The following SAMSN1 variants were observed in gnomAD, a reference collection of about 807,000 sequenced individuals.
SAMSN1 encodes SAM domain, SH3 domain and nuclear localization signals 1.
In SAMSN1, 31 loss-of-function variants were observed where a neutral mutation model predicts 42.0. That is an observed-to-expected ratio of 0.74 (90% CI 0.55 to 1.00). The LOEUF is 1.00. SAMSN1 is among the 50% of genes least tolerant of loss of function. The probability of loss-of-function intolerance (pLI) is 0.00; values close to 1 mark genes in which losing one functional copy is unlikely to be tolerated. For synonymous variants in SAMSN1, 178 were observed against 151.9 expected (o/e 1.17, Z -1.26); for missense variants, 464 against 439.4 (o/e 1.06, Z -0.50).
At chr21:14,502,368 C>T (rs1011071619) in intron 5 of SAMSN1, among the ~76,000 whole-genome samples, 1 of 152,212 alleles carries the variant, frequency 6.6e-6, no homozygotes, top group Non-Finnish European at 1.5e-5. Context: ...AAACCCTTCA[C>T]TGCATCCTTC....
At chr21:14,625,029 CAT>C (rs1427924337) in intron 2 of SAMSN1, among the ~76,000 whole-genome samples, 1 of 152,144 alleles carries the variant, frequency 6.6e-6, no homozygotes, top group Non-Finnish European at 1.5e-5. Flanking sequence ...ACAAAAACCA[CAT>C]GATTACCTCA....
intron 2 of SAMSN1, among the ~76,000 whole-genome samples, chr21:14,578,816 T>A (rs1236032774): frequency 6.6e-6 from 1 of 151,476 alleles, no homozygotes. Context: ...AGCTCCATCA[T>A]ATCTGCATAT....
intron 6 of SAMSN1, chr21:14,598,043 T>C (rs150013972): frequency 9.3e-4 from 142 of 152,246 alleles, no homozygotes; most frequent in African/African-American, 2.8e-3. Context: ...GCAATCTCCA[T>C]AGTGAAAGAC....
chr21:14,649,524 C>G (rs1983789918), intron 1 of SAMSN1, among the ~76,000 whole-genome samples: 1 of 152,092 alleles, frequency 6.6e-6, no homozygotes, highest in Non-Finnish European at 1.5e-5. Context: ...GATCCCAGCA[C>G]TTTGAAAGGC....
chr21:14,571,976 G>C (rs1193171816), intron 2 of SAMSN1, among the ~76,000 whole-genome samples: 1 of 151,508 alleles, frequency 6.6e-6, no homozygotes, highest in African/African-American at 2.4e-5. Context: ...CTGGAAACCA[G>C]TAATGTAAAT....
At chr21:14,594,074 G>A (rs1156949224) in exon 7 of SAMSN1, 1 of 710,616 alleles carries the variant, frequency 1.4e-6, no homozygotes, top group Admixed American at 2.0e-5. Flanking sequence ...ACATTCAGAG[G>A]TCACCTTAGA....
chr21:14,647,916 A>G (rs1389691290), intron 1 of SAMSN1, among the ~76,000 whole-genome samples: 3 of 151,804 alleles, frequency 2.0e-5, no homozygotes, highest in Admixed American at 6.6e-5. Flanking sequence ...TAGATATACA[A>G]TCATGTCGTC....
At chr21:14,603,281 A>T (rs527391375) in intron 5 of SAMSN1, among the ~76,000 whole-genome samples, 2 of 152,332 alleles carry the variant, frequency 1.3e-5, no homozygotes, top group East Asian at 3.9e-4. Flanking sequence ...AGGTGTAGAA[A>T]AAGAACAGTA....
intron 2 of SAMSN1, among the ~76,000 whole-genome samples, chr21:14,561,193 C>A (rs1980937586): frequency 6.6e-6 from 1 of 152,068 alleles, no homozygotes; most frequent in Non-Finnish European, 1.5e-5. Flanking sequence ...CATGTGGCCT[C>A]ATCCAGAGGC....
At chr21:14,497,625 T>G (rs374910076) in intron 7 of SAMSN1, among the ~76,000 whole-genome samples, 82 of 152,280 alleles carry the variant, frequency 5.4e-4, no homozygotes, top group African/African-American at 1.7e-3. Flanking sequence ...GTAATTATTA[T>G]TAGTAGTAGT....
chr21:14,521,900 T>A (rs1455452151), intron 1 of SAMSN1, among the ~76,000 whole-genome samples: 3 of 145,902 alleles, frequency 2.1e-5, no homozygotes, highest in African/African-American at 5.1e-5. Context: ...CAAGTTTGTT[T>A]AAAAAAAAAA....
intron 3 of SAMSN1, 66 bp from the exon 4 acceptor site, chr21:14,512,639 A>G: frequency 7.0e-7 from 1 of 1,438,638 alleles, no homozygotes; most frequent in Non-Finnish European, 9.7e-7. Context: ...CATTGAGTAC[A>G]TTGATTTAAT....
chr21:14,607,498 C>G (rs1386688951), intron 5 of SAMSN1, among the ~76,000 whole-genome samples: 2 of 152,162 alleles, frequency 1.3e-5, no homozygotes, highest in Non-Finnish European at 2.9e-5. Context: ...TCCAGTGACT[C>G]AACTGCTACT....
intron 1 of SAMSN1, among the ~76,000 whole-genome samples, chr21:14,647,044 A>G (rs1983727973): frequency 6.6e-6 from 1 of 152,188 alleles, no homozygotes; most frequent in Non-Finnish European, 1.5e-5. Flanking sequence ...CAAGTAATAA[A>G]TGGCAAGAGT....
intron 6 of SAMSN1, among the ~76,000 whole-genome samples, chr21:14,596,270 A>G (rs1600953192): frequency 6.6e-6 from 1 of 152,264 alleles, no homozygotes; most frequent in African/African-American, 2.4e-5. Flanking sequence ...AAAGTCTTCT[A>G]CTATTAAAGA....
chr21:14,619,347 G>C (rs982803216), intron 2 of SAMSN1, among the ~76,000 whole-genome samples: 3 of 152,178 alleles, frequency 2.0e-5, no homozygotes, highest in Non-Finnish European at 2.9e-5. Flanking sequence ...AGAGAAAACT[G>C]ATTGGCAGCA....
intron 3 of SAMSN1, among the ~76,000 whole-genome samples, chr21:14,516,341 C>T (rs1434458479): frequency 2.6e-5 from 4 of 152,162 alleles, no homozygotes; most frequent in Admixed American, 6.5e-5. Context: ...AAATTAATGA[C>T]ATGTTGTTCT....
At chr21:14,546,183 A>T in intron 1 of SAMSN1, 22 bp downstream of exon 1, 1 of 1,589,172 alleles carries the variant, frequency 6.3e-7, no homozygotes, top group South Asian at 1.1e-5. Flanking sequence ...ATTTTATTTA[A>T]CTATGTATGA....
chr21:14,625,579 A>T (rs1395551604), intron 2 of SAMSN1, among the ~76,000 whole-genome samples: 3 of 152,194 alleles, frequency 2.0e-5, no homozygotes, highest in Non-Finnish European at 4.4e-5. Context: ...CAGGGATGTG[A>T]AAGACCTCTT....
Sources: allele counts gnomAD v4.1 joint callset (sites outside exome capture counted in the v4.1 genomes callset), GRCh38; gene constraint gnomAD v4.1.1; transcripts MANE v1.5; gene names NCBI Gene and HGNC (gene_info 2026-07-23, HGNC 2026-07-21).